Variants in ADCY1 observed in about 807,000 individuals in gnomAD.
The protein encoded by ADCY1 is adenylate cyclase 1, also known as adenylate cyclase type 1.
Under a neutral mutation model 105.4 loss-of-function variants are expected in ADCY1, and 28 were observed. The ratio of observed to expected loss-of-function variants is 0.27; its 90% CI spans 0.20 to 0.36. The LOEUF is 0.36. Among genes scored for constraint, ADCY1 ranks in the 10% least tolerant of loss-of-function variants. ADCY1 has a pLI of 1.00. For synonymous variants in ADCY1, 655 were observed against 623.8 expected, an observed-to-expected ratio of 1.05 and a Z score of -0.75; for missense variants, 977 against 1,434.2, an observed-to-expected ratio of 0.68 and a Z score of 5.15.
intron 1 of ADCY1, among the ~76,000 whole-genome samples, chr7:45,581,567 G>C (rs1584244683): frequency 1.3e-5 from 2 of 152,236 alleles, no homozygotes; most frequent in South Asian, 4.2e-4. Flanking sequence ...TTTCAGCCAG[G>C]TTTTTGAGCC....
At position 45,649,409 on chromosome 7, in the gene ADCY1, T is replaced by C. The variant is rs149225595; in HGVS notation, c.1148+612T>C. 2.8e-3 allele frequency among the ~76,000 whole-genome samples: 425 copies of C among 152,318 alleles called. 4 individuals carry two copies. Among genetic ancestry groups the C allele is most frequent in the African/African-American group, 9.5e-3 (396 of 41,566 alleles). On this transcript the variant is annotated intron_variant, in intron 5 of 19. Transcript: ENST00000297323. ...GTGTGGAGCTGGAAGGCTGAGCTAA[T>C]GTATGGAGTGTAGATCCAAACAAAC...
chr7:45,609,853 G>A (rs1296997816), intron 2 of ADCY1, among the ~76,000 whole-genome samples: 1 of 151,940 alleles, frequency 6.6e-6, no homozygotes, highest in Non-Finnish European at 1.5e-5. Context: ...CTTTTCTCTT[G>A]GGGGAAAAAA....
At chr7:45,610,285 C>T in intron 2 of ADCY1, 94 bp from the exon 3 acceptor site, 21 of 1,138,390 alleles carry the variant, frequency 1.8e-5, no homozygotes, top group Non-Finnish European at 2.7e-5. Context: ...TACCCAGGCT[C>T]AGGGGCCCGG....
chr7:45,673,933 G>A (rs144696184), intron 8 of ADCY1, among the ~76,000 whole-genome samples: 6 of 117,578 alleles, frequency 5.1e-5, no homozygotes, highest in East Asian at 4.8e-4. Flanking sequence ...GCTGCATCCC[G>A]TAGATTTTGG....
intron 2 of ADCY1, among the ~76,000 whole-genome samples, chr7:45,596,587 C>T (rs1257343962): frequency 6.6e-6 from 1 of 152,090 alleles, no homozygotes; most frequent in African/African-American, 2.4e-5. Context: ...TCCTGGGAGC[C>T]GATGTGGGCA....
At chr7:45,650,303 C>G (rs184696849) in intron 5 of ADCY1, among the ~76,000 whole-genome samples, 4 of 152,134 alleles carry the variant, frequency 2.6e-5, no homozygotes, top group Admixed American at 1.3e-4. Context: ...CTTAATGGAT[C>G]ACATCATATC....
chr7:45,662,312 A>G (rs1795127359), intron 8 of ADCY1, 98 bp downstream of exon 8: 1 of 1,328,164 alleles, frequency 7.5e-7, no homozygotes, highest in African/African-American at 1.5e-5. Context: ...GCTAGATCAG[A>G]ATTCCCTGTT....
intron 5 of ADCY1, among the ~76,000 whole-genome samples, chr7:45,655,782 G>A (rs1794923623): frequency 6.6e-6 from 1 of 152,180 alleles, no homozygotes; most frequent in African/African-American, 2.4e-5. Flanking sequence ...AGGTGGGCAT[G>A]GGTCCCAGAA....
At chr7:45,614,073 C>T (rs528845765) in intron 3 of ADCY1, among the ~76,000 whole-genome samples, 8 of 152,156 alleles carry the variant, frequency 5.3e-5, no homozygotes, top group Admixed American at 1.3e-4. Flanking sequence ...TAAGAAAATA[C>T]GATACTTATT....
In ADCY1 at chr7:45,717,193, A is replaced by C. The variant is rs960012920; in HGVS notation, c.*3198A>C. On this transcript the variant is annotated 3_prime_UTR_variant, in exon 20 of 20. Transcript: ENST00000297323. The stretch of plus-strand genomic sequence containing the variant: ...CCCAAGGTGTGGCCACTTGTAGGGC[A>C]GTGAGAGGAAGCCGTCGCGGGGACC... The C allele has an allele frequency of 2.0e-5, 3 of 152,196 alleles. No homozygotes were observed. The highest frequency in any genetic ancestry group is 4.4e-5 in the Non-Finnish European group (3 of 68,062). The allele number at this position is 152,196 out of a possible 1,614,324, so 9.4% of individuals were successfully genotyped here. A position where few individuals can be genotyped will look rare whatever the true frequency, so the allele number is the denominator to read the frequency against.
At chr7:45,695,763 C>T (rs574582894) in intron 14 of ADCY1, among the ~76,000 whole-genome samples, 5 of 152,338 alleles carry the variant, frequency 3.3e-5, no homozygotes, top group East Asian at 1.9e-4. Context: ...GTGTGGCAGT[C>T]ACTGTGCAAC....
At chr7:45,676,626 A>G (rs541208546) in intron 8 of ADCY1, among the ~76,000 whole-genome samples, 2 of 152,248 alleles carry the variant, frequency 1.3e-5, no homozygotes, top group Admixed American at 6.5e-5. Flanking sequence ...TGAGTAGAAT[A>G]TGGACATTCT....
intron 1 of ADCY1, among the ~76,000 whole-genome samples, chr7:45,578,750 A>G (rs1004984573): frequency 6.6e-6 from 1 of 152,220 alleles, no homozygotes; most frequent in Non-Finnish European, 1.5e-5. Flanking sequence ...ACCAGGGTGC[A>G]GCACATGTGT....
chr7:45,622,068 T>G (rs1793906646), intron 3 of ADCY1, among the ~76,000 whole-genome samples: 1 of 152,150 alleles, frequency 6.6e-6, no homozygotes, highest in African/African-American at 2.4e-5. Flanking sequence ...ACGTAGAGGC[T>G]TTGATGCAAG....
At chr7:45,624,147 C>A (rs1793986056) in intron 4 of ADCY1, among the ~76,000 whole-genome samples, 2 of 152,126 alleles carry the variant, frequency 1.3e-5, no homozygotes, top group African/African-American at 4.8e-5. Context: ...TGATTGGGGG[C>A]TGGCTTGTGC....
chr7:45,587,006 G>T (rs1158629915), intron 1 of ADCY1, among the ~76,000 whole-genome samples: 1 of 152,260 alleles, frequency 6.6e-6, no homozygotes, highest in Non-Finnish European at 1.5e-5. Flanking sequence ...TGTCCCCATG[G>T]ATAGTCTGAA....
chr7:45,694,318 A>G (rs1218412553), intron 14 of ADCY1, among the ~76,000 whole-genome samples: 1 of 152,206 alleles, frequency 6.6e-6, no homozygotes, highest in East Asian at 1.9e-4. Flanking sequence ...TTAGAAGTCC[A>G]TAACAGAAAG....
intron 4 of ADCY1, among the ~76,000 whole-genome samples, chr7:45,638,030 A>C (rs1562700710): frequency 6.6e-6 from 1 of 152,132 alleles, no homozygotes; most frequent in Non-Finnish European, 1.5e-5. Context: ...GGTTTTAAGA[A>C]ATTTGATTTT....
chr7:45,649,463 T>G (rs887638924), intron 5 of ADCY1, among the ~76,000 whole-genome samples: 10 of 152,108 alleles, frequency 6.6e-5, no homozygotes, highest in African/African-American at 2.4e-4. Flanking sequence ...GTGGGTATGC[T>G]CCAATGAGAT....
Sources: gnomAD v4.1 joint callset for allele counts (sites outside exome capture counted in the v4.1 genomes callset) on GRCh38, gnomAD v4.1.1 for gene constraint, MANE v1.5 for transcripts, NCBI Gene and HGNC (gene_info 2026-07-23, HGNC 2026-07-21) for gene names.